The following CSMD1 variants were observed in gnomAD, a reference collection of about 807,000 sequenced individuals.
CSMD1 encodes the protein CUB and Sushi multiple domains 1, also known as CUB and sushi domain-containing protein 1.
A neutral mutation model predicts 417.5 loss-of-function variants in CSMD1; 213 were observed. The ratio of observed to expected loss-of-function variants is 0.51; its 90% CI spans 0.46 to 0.57. The LOEUF (loss-of-function observed/expected upper bound fraction) is 0.57, where lower values mean the gene tolerates loss of function less well. Among genes scored for constraint, CSMD1 ranks in the 20% least tolerant of loss-of-function variants. The pLI is 0.00. For missense variants in CSMD1, 6,923 were observed against 4,529.7 expected (o/e 1.53, Z -15.17); for synonymous variants, 2,862 against 1,736.8 (o/e 1.65, Z -16.11).
In CSMD1 at chr8:4,359,731, C is replaced by G. The variant is rs535151798; in HGVS notation, c.415+60222G>C. On this transcript the variant is annotated intron_variant, in intron 3 of 69. Coordinates refer to ENST00000635120, the MANE Select transcript of CSMD1 (RefSeq NM_033225.6). ...TGTCTATAGACAGGAGCACTGTGGC[C>G]TGGCCCACTTCTACATTCATTCCAA... is the stretch of plus-strand genomic sequence containing the variant. Among the ~76,000 whole-genome samples the G allele has an allele frequency of 2.6e-5, 4 of 152,290 alleles. No homozygotes were observed. In the East Asian group the frequency reaches 5.8e-4, roughly 22 times the overall value.
intron 21 of CSMD1, among the ~76,000 whole-genome samples, chr8:3,358,241 G>T (rs1268649127): frequency 1.3e-5 from 2 of 152,190 alleles, no homozygotes; most frequent in African/African-American, 4.8e-5. Flanking sequence ...GACTCAGAAG[G>T]CTTGGTATTA....
At chr8:3,303,868 C>T (rs1034600016) in intron 25 of CSMD1, among the ~76,000 whole-genome samples, 5 of 152,056 alleles carry the variant, frequency 3.3e-5, no homozygotes, top group African/African-American at 1.2e-4. Flanking sequence ...GGTAACTGCT[C>T]TATAGCATAC....
chr8:3,496,967 T>C (rs1796391395), intron 10 of CSMD1, among the ~76,000 whole-genome samples: 1 of 152,248 alleles, frequency 6.6e-6, no homozygotes, highest in Non-Finnish European at 1.5e-5. Context: ...TCTCTTGTTA[T>C]TTATTTCTAA....
chr8:4,579,576 C>T (rs1270733021), intron 2 of CSMD1, among the ~76,000 whole-genome samples: 1 of 152,084 alleles, frequency 6.6e-6, no homozygotes, highest in East Asian at 1.9e-4. Context: ...GTTAGCCAGG[C>T]TGGTCTCGAG....
chr8:4,825,930 C>T (rs1446268438), intron 1 of CSMD1, among the ~76,000 whole-genome samples: 1 of 147,388 alleles, frequency 6.8e-6, no homozygotes, highest in Non-Finnish European at 1.5e-5. Context: ...GATCAAAAAA[C>T]AGGCAGCTAT....
chr8:3,284,506 A>G, intron 25 of CSMD1, 160 bp from the exon 26 acceptor site: 1 of 626,322 alleles, frequency 1.6e-6, no homozygotes, highest in East Asian at 2.8e-5. Flanking sequence ...AATGAGGCTC[A>G]CCGAAGATAA....
chr8:3,506,383 G>T (rs552328727), intron 10 of CSMD1, among the ~76,000 whole-genome samples: 1 of 152,176 alleles, frequency 6.6e-6, no homozygotes, highest in African/African-American at 2.4e-5. Context: ...GGAGGTAGGG[G>T]AGTAAACACG....
chr8:4,393,749 A>G (rs576675910), intron 3 of CSMD1, among the ~76,000 whole-genome samples: 5 of 152,318 alleles, frequency 3.3e-5, no homozygotes, highest in African/African-American at 1.2e-4. Flanking sequence ...GCCTTCAGAC[A>G]TTCATTGCCT....
intron 5 of CSMD1, among the ~76,000 whole-genome samples, chr8:3,782,581 C>T (rs1387249020): frequency 6.6e-6 from 1 of 152,152 alleles, no homozygotes; most frequent in East Asian, 1.9e-4. Flanking sequence ...ACCAACATGG[C>T]ACATGTAATC....
chr8:4,851,323 A>G (rs1003257657), intron 1 of CSMD1, among the ~76,000 whole-genome samples: 51 of 152,124 alleles, frequency 3.4e-4, no homozygotes, highest in African/African-American at 1.2e-3. Flanking sequence ...TATACATGCC[A>G]ACTTTTCTCG....
chr8:3,845,284 G>C (rs1362954261), intron 5 of CSMD1, among the ~76,000 whole-genome samples: 5 of 152,182 alleles, frequency 3.3e-5, no homozygotes, highest in Non-Finnish European at 5.9e-5. Context: ...ATCGTAGAGT[G>C]AACTCACAGA....
chr8:4,517,615 G>T (rs541819409), intron 2 of CSMD1, among the ~76,000 whole-genome samples: 3 of 152,034 alleles, frequency 2.0e-5, no homozygotes, highest in Non-Finnish European at 2.9e-5. Flanking sequence ...TAACATGCAC[G>T]AGCCTTTAAA....
chr8:4,086,024 G>A (rs1800400286), intron 3 of CSMD1, among the ~76,000 whole-genome samples: 1 of 152,090 alleles, frequency 6.6e-6, no homozygotes, highest in African/African-American at 2.4e-5. Context: ...CAAAGGTGTG[G>A]TCCTGTTTTC....
chr8:3,236,354 C>G (rs1189731461), intron 26 of CSMD1, among the ~76,000 whole-genome samples: 1 of 152,010 alleles, frequency 6.6e-6, no homozygotes, highest in African/African-American at 2.4e-5. Context: ...CCCCCAAACA[C>G]TTTGTATTTA....
chr8:3,737,829 C>G (rs894337676), intron 6 of CSMD1, among the ~76,000 whole-genome samples: 1 of 152,192 alleles, frequency 6.6e-6, no homozygotes, highest in African/African-American at 2.4e-5. Flanking sequence ...GTATTTAAAA[C>G]TACCAAAACA....
intron 41 of CSMD1, among the ~76,000 whole-genome samples, chr8:3,123,925 T>C (rs995652826): frequency 3.3e-4 from 51 of 152,296 alleles, no homozygotes; most frequent in African/African-American, 1.2e-3. Context: ...GAAGTACAAT[T>C]AAGTTCTTTT....
Position 3,754,019 on chromosome 8 carries a change from G to C in CSMD1, c.842C>G (p.Ser281Cys). Residue 281 changes from serine to cysteine, a missense_variant, in exon 6 of 70, where the codon TCT (serine) becomes TGT (cysteine). By Grantham distance (112) the Ser-to-Cys change is moderately radical. Transcript: ENST00000635120. ...SIWLTGMNLPSPVISSKNWLR... is the reference protein window; with the variant it reads ...SIWLTGMNLPCPVISSKNWLR... ...CCAATTCTTGCTACTGATAACTGGAGAGGGGAGGTTCATGCCAGTTAGCCT... is the reference window on the plus strand; with the variant it reads ...CCAATTCTTGCTACTGATAACTGGACAGGGGAGGTTCATGCCAGTTAGCCT... The C allele has an allele frequency of 6.2e-7, 1 of 1,612,954 alleles. No individual in the cohort carries two copies. The highest frequency in any genetic ancestry group is 1.1e-5 in the South Asian group (1 of 91,044).
intron 41 of CSMD1, among the ~76,000 whole-genome samples, chr8:3,140,730 A>AG (rs200240593): frequency 0.043 from 6,568 of 152,166 alleles, 190 homozygotes; most frequent in Non-Finnish European, 0.066. Context: ...TATATTAAAA[A>AG]AAAAAAAAGT....
At chr8:4,316,716 G>T (rs1303897330) in intron 3 of CSMD1, among the ~76,000 whole-genome samples, 1 of 151,938 alleles carries the variant, frequency 6.6e-6, no homozygotes, top group Non-Finnish European at 1.5e-5. Context: ...CAAAATAATG[G>T]GATTTTCAGA....
Sources: gnomAD v4.1 joint callset for allele counts (sites outside exome capture counted in the v4.1 genomes callset) on GRCh38, gnomAD v4.1.1 for gene constraint, MANE v1.5 for transcripts, NCBI Gene and HGNC (gene_info 2026-07-23, HGNC 2026-07-21) for gene names.